Variants in TMEM132D observed in about 807,000 individuals in gnomAD.
The protein encoded by TMEM132D is transmembrane protein 132D, also known as mature OL transmembrane protein.
In TMEM132D, 21 loss-of-function variants were observed where a neutral mutation model predicts 62.3. That is an observed-to-expected ratio of 0.34 (90% CI 0.24 to 0.49). The LOEUF (loss-of-function observed/expected upper bound fraction) is 0.49, where lower values mean the gene tolerates loss of function less well. Among genes scored for constraint, TMEM132D ranks in the 20% least tolerant of loss-of-function variants. TMEM132D has a pLI of 0.99. For synonymous variants in TMEM132D, 621 were observed against 575.6 expected, an observed-to-expected ratio of 1.08 and a Z score of -1.13; for missense variants, 1,346 against 1,402.8, an observed-to-expected ratio of 0.96 and a Z score of 0.65.
At chr12:129,840,025 AC>A (rs1217462265) in intron 1 of TMEM132D, 14 of 152,030 alleles carry the variant, frequency 9.2e-5, no homozygotes, top group African/African-American at 3.4e-4. Context: ...ATTTTAATAC[AC>A]CCCCTAAATA....
At chr12:129,540,643 C>T (rs1042442197) in intron 2 of TMEM132D, among the ~76,000 whole-genome samples, 1 of 151,936 alleles carries the variant, frequency 6.6e-6, no homozygotes, top group African/African-American at 2.4e-5. Context: ...GTGCCACTAC[C>T]CCCAGCTAAT....
At chr12:129,193,071 T>G (rs966275789) in intron 5 of TMEM132D, among the ~76,000 whole-genome samples, 1 of 147,590 alleles carries the variant, frequency 6.8e-6, no homozygotes, top group East Asian at 2.0e-4. Flanking sequence ...GGCAGGAGAA[T>G]GGCGTGAACC....
intron 3 of TMEM132D, among the ~76,000 whole-genome samples, chr12:129,345,789 A>C (rs1484077912): frequency 1.3e-5 from 2 of 152,200 alleles, no homozygotes; most frequent in Non-Finnish European, 2.9e-5. Flanking sequence ...AATGAAGCCA[A>C]CTTGATTGTG....
intron 1 of TMEM132D, among the ~76,000 whole-genome samples, chr12:129,780,452 A>G (rs1871087534): frequency 6.6e-6 from 1 of 152,008 alleles, no homozygotes; most frequent in African/African-American, 2.4e-5. Context: ...TCCTCAGGAG[A>G]GAGGAAGATC....
At chr12:129,160,804 A>G (rs745858259) in intron 5 of TMEM132D, among the ~76,000 whole-genome samples, 1 of 152,216 alleles carries the variant, frequency 6.6e-6, no homozygotes, top group Non-Finnish European at 1.5e-5. Context: ...CTACTTGAGT[A>G]TCAGAGATGG....
chr12:129,172,073 C>A (rs1416075679), intron 5 of TMEM132D, among the ~76,000 whole-genome samples: 1 of 152,206 alleles, frequency 6.6e-6, no homozygotes, highest in Non-Finnish European at 1.5e-5. Flanking sequence ...GCCTCCTTCC[C>A]CAATGATATT....
At chr12:129,213,537 G>A (rs1009908532) in intron 4 of TMEM132D, among the ~76,000 whole-genome samples, 31 of 147,294 alleles carry the variant, frequency 2.1e-4, no homozygotes, top group Admixed American at 1.2e-3. Flanking sequence ...AAAAAACCTA[G>A]AGAGGCTGGG....
chr12:129,172,892 A>G (rs2135547254), intron 5 of TMEM132D, among the ~76,000 whole-genome samples: 1 of 152,142 alleles, frequency 6.6e-6, no homozygotes, highest in East Asian at 1.9e-4. Context: ...TCATTTCAAT[A>G]TTGTGTCTCA....
rs200295639 is a variant in TMEM132D, at chr12:129,078,497, G to A, written c.2115+37C>T. The A allele has an allele frequency of 2.0e-5, 32 of 1,588,938 alleles. No homozygotes were observed. In the Admixed American group the frequency reaches 3.0e-4, roughly 15 times the overall value. On this transcript the variant is annotated intron_variant, in intron 8 of 8. Coordinates refer to ENST00000422113, the MANE Select transcript of TMEM132D (RefSeq NM_133448.3). Reference sequence around the variant, plus strand: ...CTGGTGTGTGATCCACTTGGTGAGGGACCCTGCTGAAGTGTGTCTCAAGCC... The same window carrying A: ...CTGGTGTGTGATCCACTTGGTGAGGAACCCTGCTGAAGTGTGTCTCAAGCC...
intron 4 of TMEM132D, among the ~76,000 whole-genome samples, chr12:129,251,461 T>C (rs1880265036): frequency 1.3e-5 from 2 of 151,724 alleles, no homozygotes; most frequent in African/African-American, 2.4e-5. Context: ...ATCATATCCC[T>C]TACCCGAGGA....
intron 2 of TMEM132D, among the ~76,000 whole-genome samples, chr12:129,656,076 C>G (rs577745095): frequency 7.9e-5 from 12 of 152,284 alleles, no homozygotes; most frequent in Admixed American, 5.9e-4. Flanking sequence ...AATTAGAGTG[C>G]AACCCCAACC....
At position 129,629,583 on chromosome 12, in the gene TMEM132D, G is replaced by A. The variant is rs150578225; in HGVS notation, c.968+70227C>T. ...TTCCACATTCTTCCATAGAGTTACCGATCTTCAAGTGTTTCATTTCTTATT... is the reference window on the plus strand; with the variant it reads ...TTCCACATTCTTCCATAGAGTTACCAATCTTCAAGTGTTTCATTTCTTATT... On this transcript the variant is annotated intron_variant, in intron 2 of 8. Transcript: ENST00000422113. Among the ~76,000 whole-genome samples, 66 of 152,006 alleles carry A rather than the reference G, an allele frequency of 4.3e-4. No homozygotes were observed. In the East Asian group the frequency reaches 0.012, roughly 27 times the overall value.
At chr12:129,647,249 T>TG (rs1382011300) in intron 2 of TMEM132D, among the ~76,000 whole-genome samples, 1 of 150,718 alleles carries the variant, frequency 6.6e-6, no homozygotes, top group Non-Finnish European at 1.5e-5. Context: ...TTCTGTTTTT[T>TG]TTTTTTTTTT....
At chr12:129,824,888 G>A (rs1334019684) in intron 1 of TMEM132D, among the ~76,000 whole-genome samples, 1 of 152,188 alleles carries the variant, frequency 6.6e-6, no homozygotes, top group Admixed American at 6.5e-5. Context: ...TGCTGAGGTA[G>A]AGAGCAGGCG....
intron 5 of TMEM132D, among the ~76,000 whole-genome samples, chr12:129,146,621 G>C (rs1220225901): frequency 6.6e-6 from 1 of 152,078 alleles, no homozygotes; most frequent in Non-Finnish European, 1.5e-5. Flanking sequence ...AACACACACT[G>C]TCATTTTCAG....
intron 4 of TMEM132D, among the ~76,000 whole-genome samples, chr12:129,282,295 T>G (rs1881178874): frequency 6.6e-6 from 1 of 152,170 alleles, no homozygotes; most frequent in Non-Finnish European, 1.5e-5. Context: ...TCCCTCCCCC[T>G]AGTTCCAACC....
At chr12:129,077,874 TAC>T (rs557428198) in intron 8 of TMEM132D, among the ~76,000 whole-genome samples, 387 of 141,424 alleles carry the variant, frequency 2.7e-3, no homozygotes, top group African/African-American at 8.9e-3. Context: ...CACACATGCA[TAC>T]ACAGACACAC....
intron 1 of TMEM132D, among the ~76,000 whole-genome samples, chr12:129,778,420 G>A (rs922713234): frequency 6.6e-6 from 1 of 152,028 alleles, no homozygotes; most frequent in East Asian, 1.9e-4. Flanking sequence ...CGCAGCTGCC[G>A]ATGGACAAGA....
chr12:129,383,264 T>C (rs1871004882), intron 3 of TMEM132D, among the ~76,000 whole-genome samples: 1 of 152,190 alleles, frequency 6.6e-6, no homozygotes, highest in Admixed American at 6.5e-5. Flanking sequence ...ACACCCAGAA[T>C]GCCTCACTGC....
Sources: gnomAD v4.1 joint callset for allele counts (sites outside exome capture counted in the v4.1 genomes callset) on GRCh38, gnomAD v4.1.1 for gene constraint, MANE v1.5 for transcripts, NCBI Gene and HGNC (gene_info 2026-07-23, HGNC 2026-07-21) for gene names.